SLC39A11: variants seen among roughly 807,000 people sequenced by gnomAD.
SLC39A11 encodes the protein solute carrier family 39 member 11, also known as zinc transporter ZIP11.
In SLC39A11, 33 loss-of-function variants were observed where a neutral mutation model predicts 36.1. That is an observed-to-expected ratio of 0.91 (90% CI 0.69 to 1.22). SLC39A11 has a LOEUF of 1.22. Ranked by LOEUF, SLC39A11 falls within the 50% of genes most tolerant of loss-of-function variation. SLC39A11 has a pLI of 0.00. For missense variants in SLC39A11, 432 were observed against 430.3 expected (o/e 1.00, Z -0.03); for synonymous variants, 166 against 170.3 (o/e 0.97, Z 0.20).
chr17:72,913,761 T>C (rs2083163626), intron 5 of SLC39A11, among the ~76,000 whole-genome samples: 1 of 142,186 alleles, frequency 7.0e-6, no homozygotes, highest in African/African-American at 2.7e-5. Context: ...GATACTTCTT[T>C]TATCAGAGAA....
intron 5 of SLC39A11, among the ~76,000 whole-genome samples, chr17:72,910,874 C>T (rs1010968949): frequency 6.7e-5 from 10 of 149,526 alleles, no homozygotes; most frequent in African/African-American, 2.2e-4. Flanking sequence ...TTGCAGTGAG[C>T]CAAGATCACA....
At chr17:72,946,671 G>A (rs1005001316) in intron 5 of SLC39A11, among the ~76,000 whole-genome samples, 16 of 152,070 alleles carry the variant, frequency 1.1e-4, no homozygotes, top group East Asian at 1.9e-4. Flanking sequence ...CATGGTTTTC[G>A]TCCCCGGGGT....
chr17:72,985,223 G>A (rs1286540539), intron 4 of SLC39A11, among the ~76,000 whole-genome samples: 1 of 152,174 alleles, frequency 6.6e-6, no homozygotes, highest in Non-Finnish European at 1.5e-5. Flanking sequence ...GACAGAAAGA[G>A]CTAGCTGAGT....
rs568371074 is a variant in SLC39A11, at chr17:72,882,520, C to T, written c.431-32716G>A. On this transcript the variant is annotated intron_variant, in intron 5 of 9. Coordinates refer to ENST00000255559, the MANE Select transcript of SLC39A11 (RefSeq NM_139177.4). ...AGCAACTATCACAGAACATTGTTAACTTCCTGGCTCTCTGCAAATTTTCTT... is the reference window on the plus strand; with the variant it reads ...AGCAACTATCACAGAACATTGTTAATTTCCTGGCTCTCTGCAAATTTTCTT... Among the ~76,000 whole-genome samples, 4 of 152,292 alleles carry T rather than the reference C, an allele frequency of 2.6e-5. No homozygotes were observed. In the East Asian group the frequency reaches 5.8e-4, roughly 22 times the overall value.
chr17:73,053,137 G>A (rs550600348), intron 3 of SLC39A11, among the ~76,000 whole-genome samples: 1 of 152,144 alleles, frequency 6.6e-6, no homozygotes, highest in Non-Finnish European at 1.5e-5. Flanking sequence ...AGTGAGCCAA[G>A]ATTGTGCCAA....
At chr17:72,675,759 C>T (rs143501342) in intron 7 of SLC39A11, among the ~76,000 whole-genome samples, 3,012 of 152,282 alleles carry the variant, frequency 0.02, 106 homozygotes, top group African/African-American at 0.068. Flanking sequence ...TCTCGGCTCA[C>T]CGCAACCTCC....
intron 5 of SLC39A11, among the ~76,000 whole-genome samples, chr17:72,927,792 T>G (rs1049910555): frequency 3.3e-5 from 5 of 151,526 alleles, no homozygotes; most frequent in African/African-American, 1.2e-4. Flanking sequence ...TCAGTTCTAT[T>G]GAGAAGGAAA....
At chr17:72,888,063 T>C (rs1233842197) in intron 5 of SLC39A11, among the ~76,000 whole-genome samples, 1 of 152,234 alleles carries the variant, frequency 6.6e-6, no homozygotes, top group East Asian at 1.9e-4. Context: ...CATTTTTCTG[T>C]TTTTGTGATT....
At chr17:73,082,053 T>G (rs538142523) in intron 3 of SLC39A11, among the ~76,000 whole-genome samples, 2 of 133,814 alleles carry the variant, frequency 1.5e-5, no homozygotes, top group East Asian at 4.5e-4. Flanking sequence ...TCTCAGAAAT[T>G]ACCGCTAAAG....
chr17:72,673,958 C>T (rs886533372), intron 7 of SLC39A11, among the ~76,000 whole-genome samples: 2 of 152,074 alleles, frequency 1.3e-5, no homozygotes, highest in Non-Finnish European at 2.9e-5. Flanking sequence ...ATCCCAGCTA[C>T]TTGGGAGGCT....
chr17:72,725,115 C>T (rs969543558), intron 7 of SLC39A11, among the ~76,000 whole-genome samples: 2 of 152,180 alleles, frequency 1.3e-5, no homozygotes, highest in African/African-American at 2.4e-5. Context: ...CTTCCCAGAA[C>T]GCATGCAATA....
intron 6 of SLC39A11, among the ~76,000 whole-genome samples, chr17:72,770,568 G>A (rs1043141651): frequency 1.3e-5 from 2 of 152,232 alleles, no homozygotes; most frequent in Middle Eastern, 3.4e-3. Flanking sequence ...AGACCTGCAC[G>A]GCAGTCTGCC....
chr17:73,047,985 AAAAAAATATATATATATATAT>A (rs1390283251), intron 3 of SLC39A11, among the ~76,000 whole-genome samples: 1 of 53,484 alleles, frequency 1.9e-5, no homozygotes, highest in African/African-American at 6.4e-5. Context: ...AAAAAAAAAA[AAAAAAATATATATATATATAT>A]ATATATATAT....
chr17:73,023,311 T>C (rs944023135), intron 4 of SLC39A11, among the ~76,000 whole-genome samples: 1 of 152,060 alleles, frequency 6.6e-6, no homozygotes, highest in African/African-American at 2.4e-5. Flanking sequence ...TACTTTATAA[T>C]GTGACTGTAT....
chr17:72,916,443 C>A (rs2083338542), intron 5 of SLC39A11, among the ~76,000 whole-genome samples: 1 of 150,472 alleles, frequency 6.6e-6, no homozygotes, highest in Non-Finnish European at 1.5e-5. Flanking sequence ...GTCCATTGCA[C>A]GCGGTCCCTT....
At chr17:72,923,852 G>GA (rs200379553) in intron 5 of SLC39A11, among the ~76,000 whole-genome samples, 91 of 151,772 alleles carry the variant, frequency 6.0e-4, no homozygotes, top group African/African-American at 1.9e-3. Flanking sequence ...TATAAATAAA[G>GA]AAAAAAAATG....
chr17:72,964,078 G>A (rs76376645), intron 4 of SLC39A11, among the ~76,000 whole-genome samples: 2,394 of 148,644 alleles, frequency 0.016, 27 homozygotes, highest in Non-Finnish European at 0.027. Context: ...GCCCCCCGAG[G>A]TACACACGAG....
At chr17:72,974,164 G>A (rs955201749) in intron 4 of SLC39A11, among the ~76,000 whole-genome samples, 4 of 152,030 alleles carry the variant, frequency 2.6e-5, no homozygotes, top group Non-Finnish European at 1.5e-5. Context: ...GCAGTGGCGC[G>A]ATCTGGCTCA....
chr17:72,660,876 C>T (rs7208843), intron 7 of SLC39A11, among the ~76,000 whole-genome samples: 3 of 152,052 alleles, frequency 2.0e-5, no homozygotes, highest in African/African-American at 7.2e-5. Flanking sequence ...ACAACCAAAA[C>T]GTCTCCAGAC....
Sources: gnomAD v4.1 joint callset for allele counts (sites outside exome capture counted in the v4.1 genomes callset) on GRCh38, gnomAD v4.1.1 for gene constraint, MANE v1.5 for transcripts, NCBI Gene and HGNC (gene_info 2026-07-23, HGNC 2026-07-21) for gene names.